TMEM117: variants seen among roughly 807,000 people sequenced by gnomAD.
TMEM117 encodes transmembrane protein 117.
In TMEM117, 27 loss-of-function variants were observed where a neutral mutation model predicts 52.4. The observed-to-expected ratio is 0.51, with a 90% CI of 0.38 to 0.71. TMEM117 has a LOEUF of 0.71. TMEM117 is among the 30% of genes least tolerant of loss of function. The probability of loss-of-function intolerance (pLI) is 0.00; values close to 1 mark genes in which losing one functional copy is unlikely to be tolerated. For synonymous variants in TMEM117, 215 were observed against 206.3 expected (o/e 1.04, Z -0.36); for missense variants, 556 against 630.5 (o/e 0.88, Z 1.26).
At chr12:44,236,346 C>G (rs1476075342) in intron 5 of TMEM117, among the ~76,000 whole-genome samples, 1 of 152,054 alleles carries the variant, frequency 6.6e-6, no homozygotes, top group Admixed American at 6.6e-5. Context: ...CCATGCTATG[C>G]TTTCAATAGG....
At chr12:44,145,549 T>C (rs1307733975) in intron 4 of TMEM117, among the ~76,000 whole-genome samples, 1 of 152,186 alleles carries the variant, frequency 6.6e-6, no homozygotes, top group Non-Finnish European at 1.5e-5. Context: ...ACGTATAAGG[T>C]AGACATAAGT....
chr12:44,248,365 C>T (rs781045912), intron 5 of TMEM117: 3 of 152,276 alleles, frequency 2.0e-5, no homozygotes, highest in Non-Finnish European at 2.9e-5. Flanking sequence ...GCTCATCAAA[C>T]ACAGTTTATG....
chr12:44,230,757 G>A lies in TMEM117; in HGVS notation c.608+19370G>A, dbSNP rs1019903292. Among the ~76,000 whole-genome samples, 4 of 151,790 alleles carry A rather than the reference G, an allele frequency of 2.6e-5. No individual in the cohort carries two copies. The South Asian group carries it at 8.3e-4, about 32-fold the overall frequency. ...TGATATTATGCGTCTTTTTTCTTGGGCCTTTAGCTTCATTCCTTGTCACTT... is the reference window on the plus strand; with the variant it reads ...TGATATTATGCGTCTTTTTTCTTGGACCTTTAGCTTCATTCCTTGTCACTT... On this transcript the variant is annotated intron_variant, in intron 5 of 7. Coordinates refer to ENST00000266534, the MANE Select transcript of TMEM117 (RefSeq NM_032256.3).
At chr12:44,396,713 G>T in the TMEM117 span, among the ~76,000 whole-genome samples, 1 of 151,932 alleles carries the variant, frequency 6.6e-6, no homozygotes, top group Non-Finnish European at 1.5e-5. Context: ...AATTAGCCTG[G>T]TGTGGTGGCG....
chr12:44,079,090 C>A (rs1200322910), intron 3 of TMEM117, among the ~76,000 whole-genome samples: 2 of 152,072 alleles, frequency 1.3e-5, no homozygotes, highest in South Asian at 4.1e-4. Context: ...ATATGTGCCA[C>A]ATTTTCCTTA....
intron 4 of TMEM117, among the ~76,000 whole-genome samples, chr12:44,147,283 C>T (rs886654903): frequency 1.3e-5 from 2 of 152,050 alleles, no homozygotes; most frequent in Non-Finnish European, 2.9e-5. Context: ...GGTATCCACC[C>T]GTGCACTGTG....
chr12:43,910,622 C>A (rs1235595771), intron 2 of TMEM117, among the ~76,000 whole-genome samples: 14 of 151,892 alleles, frequency 9.2e-5, no homozygotes, highest in Non-Finnish European at 1.5e-4. Context: ...AAATCTCCTT[C>A]AGCTGATAAG....
At chr12:44,110,259 T>C (rs548015348) in intron 3 of TMEM117, among the ~76,000 whole-genome samples, 1 of 150,488 alleles carries the variant, frequency 6.6e-6, no homozygotes, top group East Asian at 2.0e-4. Context: ...ATAGGAGCAG[T>C]GAGAGGGCAT....
At chr12:44,180,165 A>G (rs963562143) in intron 4 of TMEM117, among the ~76,000 whole-genome samples, 4 of 152,152 alleles carry the variant, frequency 2.6e-5, no homozygotes, top group Non-Finnish European at 5.9e-5. Context: ...CAGTGTTAAC[A>G]GTTGGTGAGA....
chr12:43,797,032 T>C, the TMEM117 span: 1 of 1,611,548 alleles, frequency 6.2e-7, no homozygotes, highest in Admixed American at 1.7e-5. Flanking sequence ...AGACGGCTCT[T>C]GCAGCTAGAA....
intron 7 of TMEM117, among the ~76,000 whole-genome samples, chr12:44,386,869 G>A (rs1039775380): frequency 2.6e-5 from 4 of 151,954 alleles, no homozygotes; most frequent in African/African-American, 9.7e-5. Context: ...ACTCCTCGCA[G>A]TTATGTCTTT....
At position 44,031,651 on chromosome 12, in the gene TMEM117, TTC is replaced by T. The variant is rs1946634400; in HGVS notation, c.410+87311_410+87312del. Among the ~76,000 whole-genome samples the T allele has an allele frequency of 2.0e-5, 3 of 152,354 alleles. No homozygotes were observed. The South Asian group carries it at 6.2e-4, about 32-fold the overall frequency. ...CTGTTTTTCAGAGTTGAGAAAACTT[TTC>T]TTTTGAGCTATTTACAGCTTGTAGC... On this transcript the variant is annotated intron_variant, in intron 3 of 7. Transcript: ENST00000266534.
At chr12:43,832,920 C>G (rs930579958), upstream of TMEM117, among the ~76,000 whole-genome samples, 1 of 152,174 alleles carries the variant, frequency 6.6e-6, no homozygotes, top group African/African-American at 2.4e-5. Flanking sequence ...ATAAGTTGAG[C>G]TTTTGTCACT....
downstream of TMEM117, among the ~76,000 whole-genome samples, chr12:44,392,717 C>T (rs1478266901): frequency 7.0e-6 from 1 of 143,772 alleles, no homozygotes; most frequent in East Asian, 2.2e-4. Flanking sequence ...TGTTCCCCTT[C>T]CTGTGTCCAT....
At chr12:43,872,635 G>A (rs1345568514) in intron 2 of TMEM117, among the ~76,000 whole-genome samples, 1 of 152,150 alleles carries the variant, frequency 6.6e-6, no homozygotes, top group Non-Finnish European at 1.5e-5. Flanking sequence ...AAGACATTGA[G>A]CATAATTTGT....
chr12:44,019,878 C>T (rs1002180195), intron 3 of TMEM117, among the ~76,000 whole-genome samples: 1 of 152,112 alleles, frequency 6.6e-6, no homozygotes, highest in African/African-American at 2.4e-5. Context: ...TTCCTCATTC[C>T]ACATATGACA....
At chr12:44,265,460 G>A (rs1950366584) in intron 5 of TMEM117, among the ~76,000 whole-genome samples, 2 of 152,270 alleles carry the variant, frequency 1.3e-5, no homozygotes, top group South Asian at 4.1e-4. Flanking sequence ...AAAACTAAAA[G>A]CAGTAATTCC....
At chr12:43,798,516 A>G in the TMEM117 span, 1 of 1,477,346 alleles carries the variant, frequency 6.8e-7, no homozygotes, top group East Asian at 2.5e-5. Flanking sequence ...TCTACAGCAT[A>G]AATGATATTG....
At chr12:44,245,717 A>G (rs781520289) in intron 5 of TMEM117, among the ~76,000 whole-genome samples, 3 of 151,946 alleles carry the variant, frequency 2.0e-5, no homozygotes, top group African/African-American at 4.8e-5. Context: ...GAAAAAGCTT[A>G]GGGAGCAACT....
Sources: allele counts gnomAD v4.1 joint callset (sites outside exome capture counted in the v4.1 genomes callset), GRCh38; gene constraint gnomAD v4.1.1; transcripts MANE v1.5; gene names NCBI Gene and HGNC (gene_info 2026-07-23, HGNC 2026-07-21).